Variants in IL1RAPL1 observed in about 807,000 individuals in gnomAD.
The protein encoded by IL1RAPL1 is interleukin 1 receptor accessory protein like 1, also known as interleukin-1 receptor accessory protein-like 1.
Under a neutral mutation model 48.4 loss-of-function variants are expected in IL1RAPL1, and 3 were observed. That is an observed-to-expected ratio of 0.06 (90% CI 0.03 to 0.16). IL1RAPL1 has a LOEUF of 0.16. IL1RAPL1 is among the 10% of genes least tolerant of loss of function. IL1RAPL1 has a pLI of 1.00. For synonymous variants in IL1RAPL1, 185 were observed against 187.7 expected (o/e 0.99, Z 0.12); for missense variants, 349 against 530.6 (o/e 0.66, Z 3.36).
intron 3 of IL1RAPL1, among the ~76,000 whole-genome samples, chrX:29,341,322 G>A (rs368423216): frequency 5.3e-5 from 6 of 112,150 alleles, no homozygotes; most frequent in East Asian, 2.8e-4. Context: ...AGAATGAAGC[G>A]TGCTAATTTG....
intron 5 of IL1RAPL1, among the ~76,000 whole-genome samples, chrX:29,482,664 G>C (rs1935053204): frequency 8.9e-6 from 1 of 111,925 alleles, no homozygotes; most frequent in Non-Finnish European, 1.9e-5. Context: ...TGTGGATAAA[G>C]CATAGTTCCT....
intron 6 of IL1RAPL1, among the ~76,000 whole-genome samples, chrX:29,752,474 C>T (rs1226596943): frequency 5.9e-5 from 5 of 84,500 alleles, no homozygotes; most frequent in Admixed American, 1.6e-4. Context: ...CCAGCCTGGG[C>T]GACAAATCGA....
At chrX:29,008,732 T>C (rs190444882) in intron 2 of IL1RAPL1, among the ~76,000 whole-genome samples, 4 of 111,196 alleles carry the variant, frequency 3.6e-5, no homozygotes, top group East Asian at 2.9e-4. Context: ...GGGTATATTG[T>C]ATGATGCTGC....
At chrX:29,776,138 T>A (rs142131783) in intron 6 of IL1RAPL1, among the ~76,000 whole-genome samples, 1,126 of 111,690 alleles carry the variant, frequency 0.01, 11 homozygotes, top group African/African-American at 0.035. Flanking sequence ...GTAAACCTAT[T>A]CAGTGACACA....
chrX:29,168,533 T>A (rs377184093), intron 2 of IL1RAPL1, among the ~76,000 whole-genome samples: 4 of 82,990 alleles, frequency 4.8e-5, no homozygotes, highest in African/African-American at 1.6e-4. Context: ...CATTCTGTTT[T>A]ATGGCTGAAT....
At chrX:29,872,708 A>G (rs1378633420) in intron 6 of IL1RAPL1, among the ~76,000 whole-genome samples, 9 of 111,897 alleles carry the variant, frequency 8.0e-5, no homozygotes, top group Middle Eastern at 9.2e-3. Context: ...TTTTGCCTCA[A>G]TGAGCTGCTT....
At chrX:28,934,425 A>AT (rs200971590) in intron 2 of IL1RAPL1, among the ~76,000 whole-genome samples, 1 of 110,633 alleles carries the variant, frequency 9.0e-6, no homozygotes, top group African/African-American at 3.3e-5. Flanking sequence ...GTACAATTAA[A>AT]TTTTTTTTAG....
intron 6 of IL1RAPL1, among the ~76,000 whole-genome samples, chrX:29,915,781 G>T (rs1932795204): frequency 1.2e-5 from 1 of 84,721 alleles, no homozygotes. Flanking sequence ...TAAGTTTTAG[G>T]GTACATGTGC....
intron 2 of IL1RAPL1, among the ~76,000 whole-genome samples, chrX:29,078,548 G>A (rs756523791): frequency 9.8e-5 from 11 of 112,068 alleles, no homozygotes; most frequent in African/African-American, 3.6e-4. Context: ...TCAGTGCTCC[G>A]TAAATTAGCT....
chrX:29,476,919 GCCGGA>G (rs1429376466), intron 5 of IL1RAPL1, among the ~76,000 whole-genome samples: 2 of 76,268 alleles, frequency 2.6e-5, no homozygotes, highest in Non-Finnish European at 4.5e-5. Context: ...TGTCGCCCAG[GCCGGA>G]CTGCGGACTG....
intron 5 of IL1RAPL1, among the ~76,000 whole-genome samples, chrX:29,406,361 A>C (rs756876790): frequency 1.5e-4 from 16 of 106,836 alleles, no homozygotes; most frequent in East Asian, 2.9e-4. Flanking sequence ...TGCACTCCAG[A>C]CTGGGCGACA....
At chrX:29,032,314 T>A (rs1288264842) in intron 2 of IL1RAPL1, among the ~76,000 whole-genome samples, 1 of 112,381 alleles carries the variant, frequency 8.9e-6, no homozygotes, top group Non-Finnish European at 1.9e-5. Flanking sequence ...ATTAAACTCT[T>A]GCATCAGAAT....
At chrX:28,794,816 G>A (rs985944247) in intron 2 of IL1RAPL1, among the ~76,000 whole-genome samples, 1 of 112,063 alleles carries the variant, frequency 8.9e-6, no homozygotes, top group Non-Finnish European at 1.9e-5. Flanking sequence ...TGTTATGTAT[G>A]GATATTCATT....
At chrX:29,683,259 CA>C (rs1301049877) in intron 6 of IL1RAPL1, among the ~76,000 whole-genome samples, 3 of 112,005 alleles carry the variant, frequency 2.7e-5, no homozygotes, top group African/African-American at 9.7e-5. Context: ...GATAGCTTAA[CA>C]AACAGACGAC....
intron 5 of IL1RAPL1, among the ~76,000 whole-genome samples, chrX:29,556,893 C>T (rs1212762075): frequency 3.6e-5 from 4 of 111,684 alleles, no homozygotes; most frequent in Non-Finnish European, 1.9e-5. Context: ...TCAATTAATA[C>T]ATATGGATAC....
intron 5 of IL1RAPL1, among the ~76,000 whole-genome samples, chrX:29,510,740 A>G (rs988899571): frequency 9.0e-6 from 1 of 111,318 alleles, no homozygotes; most frequent in Non-Finnish European, 1.9e-5. Flanking sequence ...TCCAATACAA[A>G]CACTTTCTTC....
intron 2 of IL1RAPL1, among the ~76,000 whole-genome samples, chrX:28,922,861 T>C (rs373162968): frequency 3.7e-4 from 42 of 112,363 alleles, no homozygotes; most frequent in African/African-American, 1.2e-3. Flanking sequence ...TTTAAATTCA[T>C]GACATTTGAA....
intron 2 of IL1RAPL1, among the ~76,000 whole-genome samples, chrX:28,818,164 A>G (rs1601916427): frequency 9.0e-6 from 1 of 110,844 alleles, no homozygotes; most frequent in African/African-American, 3.3e-5. Flanking sequence ...ACAACTTTTT[A>G]CCTATTTGGA....
chrX:28,743,359 A>G (rs1295547376), intron 1 of IL1RAPL1, among the ~76,000 whole-genome samples: 1 of 111,967 alleles, frequency 8.9e-6, no homozygotes, highest in East Asian at 2.8e-4. Flanking sequence ...GTAATCTTTA[A>G]AATGACTTTT....
Sources: allele counts gnomAD v4.1 joint callset (sites outside exome capture counted in the v4.1 genomes callset), GRCh38; gene constraint gnomAD v4.1.1; transcripts MANE v1.5; gene names NCBI Gene and HGNC (gene_info 2026-07-23, HGNC 2026-07-21).